Variants in XPO6 observed in about 807,000 individuals in gnomAD.
XPO6 encodes the protein exportin 6, also known as exportin-6.
A neutral mutation model predicts 130.0 loss-of-function variants in XPO6; 3 were observed. The ratio of observed to expected loss-of-function variants is 0.02; its 90% CI spans 0.01 to 0.06. The LOEUF is 0.06. Among genes scored for constraint, XPO6 ranks in the 10% least tolerant of loss-of-function variants. The pLI is 1.00. For synonymous variants in XPO6, 524 were observed against 548.9 expected, an observed-to-expected ratio of 0.95 and a Z score of 0.63; for missense variants, 970 against 1,393.0, an observed-to-expected ratio of 0.70 and a Z score of 4.83.
intron 1 of XPO6, among the ~76,000 whole-genome samples, chr16:28,181,874 G>C (rs753859009): frequency 5.3e-5 from 8 of 152,166 alleles, no homozygotes; most frequent in Non-Finnish European, 1.0e-4. Context: ...GGAAATGAGA[G>C]GAGAGGCAGC....
chr16:28,160,816 G>A (rs2043266596), intron 6 of XPO6, among the ~76,000 whole-genome samples: 1 of 152,132 alleles, frequency 6.6e-6, no homozygotes. Context: ...AATTAAAGCT[G>A]AGAAGTGTTT....
At chr16:28,117,096 G>T in intron 15 of XPO6, 1 of 524,734 alleles carries the variant, frequency 1.9e-6, no homozygotes, top group Non-Finnish European at 3.3e-6. Flanking sequence ...TTCACAGTGA[G>T]CATGTATTCA....
intron 9 of XPO6, among the ~76,000 whole-genome samples, chr16:28,144,900 A>G (rs947115494): frequency 6.6e-6 from 1 of 152,224 alleles, no homozygotes. Flanking sequence ...ACCAGGATCC[A>G]AACATAGGTC....
chr16:28,152,941 G>A, intron 7 of XPO6, 156 bp from the exon 8 acceptor site: 1 of 1,344,072 alleles, frequency 7.4e-7, no homozygotes, highest in South Asian at 1.7e-5. Flanking sequence ...TACAGGACAG[G>A]CAACCCTTCA....
intron 1 of XPO6, among the ~76,000 whole-genome samples, chr16:28,197,359 T>C (rs988604051): frequency 1.3e-5 from 2 of 152,144 alleles, no homozygotes; most frequent in African/African-American, 4.8e-5. Flanking sequence ...TTAATGTAAA[T>C]ATAAGGGATA....
rs897991257 is a variant in XPO6 at position 28,177,442 on chromosome 16, G to A, written c.95-110C>T. On this transcript the variant is annotated intron_variant, in intron 2 of 23. Transcript: ENST00000304658. ...ATGTCTCTCTGCATATAATGTAAAT[G>A]ATGTCAAAACCAGCGGATTCTTTAA... 16 of 597,398 alleles carry A rather than the reference G, an allele frequency of 2.7e-5. 1 individual carries two copies. The South Asian group carries it at 3.1e-4, about 12-fold the overall frequency. 37.0% of individuals were successfully genotyped at this position (597,398 alleles called of 1,614,324 possible).
intron 4 of XPO6, among the ~76,000 whole-genome samples, chr16:28,175,669 A>C (rs1487733313): frequency 1.0e-5 from 1 of 98,696 alleles, no homozygotes; most frequent in South Asian, 4.2e-4. Context: ...GGCTGAACAA[A>C]CTGCACAAGA....
intron 14 of XPO6, among the ~76,000 whole-genome samples, 178 bp downstream of exon 14, chr16:28,121,492 A>G (rs1596815196): frequency 6.6e-6 from 1 of 151,956 alleles, no homozygotes; most frequent in East Asian, 1.9e-4. Context: ...ACTTTCTCCA[A>G]CCGCCTCTGC....
At chr16:28,135,481 T>C (rs1465223457) in intron 9 of XPO6, among the ~76,000 whole-genome samples, 157 bp from the exon 10 acceptor site, 1 of 152,136 alleles carries the variant, frequency 6.6e-6, no homozygotes, top group Non-Finnish European at 1.5e-5. Flanking sequence ...GGTACGTGTG[T>C]GCGCCCATGG....
At chr16:28,151,553 G>A (rs758575146) in intron 8 of XPO6, among the ~76,000 whole-genome samples, 47 of 152,206 alleles carry the variant, frequency 3.1e-4, no homozygotes, top group Non-Finnish European at 5.4e-4. Flanking sequence ...TACTTCTGGG[G>A]AGAAACGAGG....
intron 1 of XPO6, among the ~76,000 whole-genome samples, chr16:28,194,451 CTT>C (rs1032518666): frequency 6.6e-6 from 1 of 152,080 alleles, no homozygotes. Context: ...GCAGCAAACA[CTT>C]TTTTTCTTTT....
chr16:28,125,948 G>A, intron 12 of XPO6, 100 bp from the exon 13 acceptor site: 2 of 1,470,798 alleles, frequency 1.4e-6, no homozygotes, highest in Non-Finnish European at 1.8e-6. Context: ...AAAACCAGCA[G>A]CAAAACCAAT....
intron 20 of XPO6, chr16:28,105,674 T>C (rs1207576399): frequency 5.6e-6 from 1 of 179,508 alleles, no homozygotes; most frequent in African/African-American, 2.3e-5. Context: ...TTTGTTTGAA[T>C]GGTTTCAAGA....
chr16:28,195,857 A>G (rs1048781808), intron 1 of XPO6, among the ~76,000 whole-genome samples: 1 of 152,180 alleles, frequency 6.6e-6, no homozygotes, highest in African/African-American at 2.4e-5. Context: ...CTCTTAAGCA[A>G]AACTCCGCAC....
chr16:28,112,369 G>A (rs1296650397), intron 16 of XPO6, among the ~76,000 whole-genome samples: 5 of 152,164 alleles, frequency 3.3e-5, no homozygotes. Context: ...GGACTTGCAG[G>A]AGAATCCGTG....
intron 1 of XPO6, among the ~76,000 whole-genome samples, chr16:28,201,571 T>C (rs1251941135): frequency 6.6e-6 from 1 of 152,192 alleles, no homozygotes; most frequent in East Asian, 1.9e-4. Flanking sequence ...AAGAATGTAG[T>C]CTTGGCCGGG....
intron 12 of XPO6, among the ~76,000 whole-genome samples, chr16:28,129,430 C>A (rs569273445): frequency 1.4e-4 from 22 of 152,184 alleles, no homozygotes; most frequent in Non-Finnish European, 2.9e-4. Context: ...AAGCACAGGA[C>A]ATCTGCAAGG....
intron 6 of XPO6, among the ~76,000 whole-genome samples, chr16:28,162,560 ATT>A (rs113189417): frequency 4.6e-4 from 65 of 139,876 alleles, no homozygotes; most frequent in Non-Finnish European, 3.9e-4. Context: ...CATATTTGTA[ATT>A]TTTTTTTTTT....
At chr16:28,211,072 T>C (rs568188864) in intron 1 of XPO6, among the ~76,000 whole-genome samples, 9 of 152,302 alleles carry the variant, frequency 5.9e-5, no homozygotes, top group Admixed American at 3.9e-4. Flanking sequence ...TGGCAAGTAG[T>C]AAGCCCTCAA....
Sources: gnomAD v4.1 joint callset for allele counts (sites outside exome capture counted in the v4.1 genomes callset) on GRCh38, gnomAD v4.1.1 for gene constraint, MANE v1.5 for transcripts, NCBI Gene and HGNC (gene_info 2026-07-23, HGNC 2026-07-21) for gene names.